The following CGNL1 variants were observed in gnomAD, a reference collection of about 807,000 sequenced individuals.
The protein encoded by CGNL1 is cingulin-like protein 1.
A neutral mutation model predicts 141.2 loss-of-function variants in CGNL1; 132 were observed. The observed-to-expected ratio is 0.93, with a 90% CI of 0.81 to 1.08. The LOEUF is 1.08. Ranked by LOEUF, CGNL1 falls within the 50% of genes least tolerant of loss-of-function variation. CGNL1 has a pLI of 0.00. For missense variants in CGNL1, 1,870 were observed against 1,588.6 expected (o/e 1.18, Z -3.01); for synonymous variants, 690 against 622.1 (o/e 1.11, Z -1.63).
intron 14 of CGNL1, among the ~76,000 whole-genome samples, chr15:57,542,284 C>A (rs1162886942): frequency 6.6e-6 from 1 of 152,208 alleles, no homozygotes; most frequent in Non-Finnish European, 1.5e-5. Context: ...GTGTGTGTAC[C>A]TCTTAGCCAC....
At chr15:57,437,495 C>T (rs190465921) in intron 1 of CGNL1, among the ~76,000 whole-genome samples, 33 of 151,756 alleles carry the variant, frequency 2.2e-4, no homozygotes, top group South Asian at 1.3e-3. Flanking sequence ...AAATGGTGAG[C>T]GTCAGAATTC....
intron 7 of CGNL1, among the ~76,000 whole-genome samples, chr15:57,454,934 C>A (rs1454242836): frequency 1.3e-5 from 2 of 152,094 alleles, no homozygotes; most frequent in African/African-American, 4.8e-5. Flanking sequence ...CACATACTTT[C>A]CTAATACCTG....
chr15:57,382,020 G>A (rs2062430606), intron 1 of CGNL1, among the ~76,000 whole-genome samples: 1 of 152,156 alleles, frequency 6.6e-6, no homozygotes, highest in Non-Finnish European at 1.5e-5. Flanking sequence ...AAACCTCTGA[G>A]TTTCTGTAGA....
At chr15:57,406,229 C>T (rs550038570) in intron 1 of CGNL1, among the ~76,000 whole-genome samples, 4 of 152,190 alleles carry the variant, frequency 2.6e-5, no homozygotes, top group Non-Finnish European at 4.4e-5. Context: ...CCTGAAGGAG[C>T]CTCCAGATCA....
At chr15:57,496,492 A>C (rs1288248793) in intron 8 of CGNL1, among the ~76,000 whole-genome samples, 1 of 152,178 alleles carries the variant, frequency 6.6e-6, no homozygotes, top group Non-Finnish European at 1.5e-5. Context: ...GGAATGGTTT[A>C]GTCCTGAAAC....
chr15:57,468,493 A>G (rs2063539192), intron 8 of CGNL1, among the ~76,000 whole-genome samples: 1 of 151,254 alleles, frequency 6.6e-6, no homozygotes, highest in Non-Finnish European at 1.5e-5. Context: ...CAGCCTCCCA[A>G]AATGTTGGGG....
chr15:57,542,574 T>G (rs1404637005), intron 14 of CGNL1, among the ~76,000 whole-genome samples: 2 of 152,244 alleles, frequency 1.3e-5, no homozygotes, highest in Non-Finnish European at 2.9e-5. Flanking sequence ...GTTCAGCCTT[T>G]GTCAGGTCGT....
At chr15:57,513,881 A>T (rs1173015480) in intron 8 of CGNL1, among the ~76,000 whole-genome samples, 2 of 152,100 alleles carry the variant, frequency 1.3e-5, no homozygotes, top group Admixed American at 6.5e-5. Flanking sequence ...TCCTACCGTA[A>T]CTCTGTGTAA....
chr15:57,545,752 C>A, intron 17 of CGNL1, 52 bp downstream of exon 17: 1 of 1,482,554 alleles, frequency 6.7e-7, no homozygotes, highest in Non-Finnish European at 9.3e-7. Context: ...GTGTCTCAGG[C>A]TGAGGGAGCA....
chr15:57,381,147 T>C (rs2062419949), intron 1 of CGNL1, among the ~76,000 whole-genome samples: 1 of 152,232 alleles, frequency 6.6e-6, no homozygotes, highest in Non-Finnish European at 1.5e-5. Context: ...CCAGGTAGCA[T>C]GCTCAGCACT....
At chr15:57,395,659 T>G (rs867498932) in intron 1 of CGNL1, among the ~76,000 whole-genome samples, 12 of 152,246 alleles carry the variant, frequency 7.9e-5, no homozygotes, top group South Asian at 4.1e-4. Flanking sequence ...CTGTTGTATA[T>G]TGGGCTCTAC....
intron 1 of CGNL1, among the ~76,000 whole-genome samples, chr15:57,377,343 C>T (rs141518757): frequency 1.3e-4 from 20 of 152,330 alleles, no homozygotes; most frequent in African/African-American, 4.8e-4. Flanking sequence ...CTTGGCCCCA[C>T]ATCTGGAGAG....
chr15:57,394,082 C>T (rs2062573189), intron 1 of CGNL1: 2 of 124,384 alleles, frequency 1.6e-5, no homozygotes. Context: ...GCACGCACCA[C>T]CAAACCAGGG....
At chr15:57,443,578 C>T (rs2063216737) in intron 4 of CGNL1, among the ~76,000 whole-genome samples, 3 of 152,294 alleles carry the variant, frequency 2.0e-5, no homozygotes, top group African/African-American at 7.2e-5. Flanking sequence ...ATTCCCCCAG[C>T]ACTCAGCTAA....
chr15:57,460,698 G>A (rs1013967358), intron 7 of CGNL1, among the ~76,000 whole-genome samples: 2 of 152,118 alleles, frequency 1.3e-5, no homozygotes, highest in Non-Finnish European at 2.9e-5. Context: ...TATCACAAGA[G>A]CAACATGGGG....
chr15:57,478,608 T>C (rs1470500285), intron 8 of CGNL1, among the ~76,000 whole-genome samples: 2 of 152,196 alleles, frequency 1.3e-5, no homozygotes, highest in Non-Finnish European at 2.9e-5. Flanking sequence ...AGCTGCTAGA[T>C]AGGCCTAGAC....
At chr15:57,430,193 C>G (rs1319604796) in intron 1 of CGNL1, among the ~76,000 whole-genome samples, 1 of 152,178 alleles carries the variant, frequency 6.6e-6, no homozygotes, top group Admixed American at 6.5e-5. Context: ...ACTTTAGAGA[C>G]AGGAAAACAG....
At chr15:57,455,599 C>T (rs1273128408) in intron 7 of CGNL1, among the ~76,000 whole-genome samples, 1 of 152,162 alleles carries the variant, frequency 6.6e-6, no homozygotes, top group Non-Finnish European at 1.5e-5. Flanking sequence ...CTTCTTTCCG[C>T]ATTTCACATC....
chr15:57,451,458 C>T (rs764699958), intron 4 of CGNL1, 42 bp from the exon 5 acceptor site: 2 of 1,382,708 alleles, frequency 1.4e-6, no homozygotes, highest in Non-Finnish European at 2.0e-6. Flanking sequence ...AAATAAAGCA[C>T]CCTGAACATT....
Sources: allele counts gnomAD v4.1 joint callset (sites outside exome capture counted in the v4.1 genomes callset), GRCh38; gene constraint gnomAD v4.1.1; transcripts MANE v1.5; gene names NCBI Gene and HGNC (gene_info 2026-07-23, HGNC 2026-07-21).